Variants in CAPN1 observed in about 807,000 individuals in gnomAD.
The protein encoded by CAPN1 is calpain 1.
A neutral mutation model predicts 105.2 loss-of-function variants in CAPN1; 77 were observed. The observed-to-expected ratio is 0.73, with a 90% CI of 0.61 to 0.88. CAPN1 has a LOEUF of 0.88. CAPN1 is among the 40% of genes least tolerant of loss of function. CAPN1 has a pLI of 0.00. For missense variants in CAPN1, 833 were observed against 976.6 expected (o/e 0.85, Z 1.96); for synonymous variants, 355 against 388.8 (o/e 0.91, Z 1.02).
intron 11 of CAPN1, among the ~76,000 whole-genome samples, chr11:65,205,347 T>C (rs763702731): frequency 6.6e-6 from 1 of 152,218 alleles, no homozygotes. Context: ...GAGAAACTTC[T>C]GGACCTCCCT....
chr11:65,197,874 G>A (rs1948813353), intron 10 of CAPN1, among the ~76,000 whole-genome samples: 2 of 89,732 alleles, frequency 2.2e-5, no homozygotes, highest in South Asian at 3.9e-4. Flanking sequence ...GGTGAAAAGA[G>A]CAAAACTCTA....
intron 4 of CAPN1, among the ~76,000 whole-genome samples, chr11:65,184,266 G>A (rs1232598441): frequency 6.6e-6 from 1 of 152,114 alleles, no homozygotes; most frequent in Non-Finnish European, 1.5e-5. Flanking sequence ...CCTTGCGCGG[G>A]TGGAGGTGGC....
intron 4 of CAPN1, 40 bp from the exon 5 acceptor site, chr11:65,185,877 G>T: frequency 1.3e-6 from 2 of 1,556,100 alleles, no homozygotes; most frequent in Non-Finnish European, 1.7e-6. Context: ...CAGGTCCGGG[G>T]GATTCCAAAG....
intron 12 of CAPN1, chr11:65,206,150 C>T (rs1387731871): frequency 3.9e-5 from 21 of 537,742 alleles, no homozygotes; most frequent in South Asian, 9.0e-5. Flanking sequence ...AATGAGGTGC[C>T]GAGTACCCTG....
intron 10 of CAPN1, 62 bp from the exon 11 acceptor site, chr11:65,204,621 T>C: frequency 6.8e-7 from 1 of 1,481,258 alleles, no homozygotes; most frequent in Non-Finnish European, 9.4e-7. Flanking sequence ...CTGAGGAGGC[T>C]TGGGGGCCAA....
At chr11:65,191,417 T>C (rs1196934126) in intron 10 of CAPN1, among the ~76,000 whole-genome samples, 1 of 152,230 alleles carries the variant, frequency 6.6e-6, no homozygotes, top group East Asian at 1.9e-4. Flanking sequence ...ATCTTACTGA[T>C]TCATCTGTAT....
At chr11:65,204,978 T>G in intron 11 of CAPN1, 120 bp downstream of exon 11, 33 of 778,288 alleles carry the variant, frequency 4.2e-5, no homozygotes, top group Non-Finnish European at 5.5e-5. Context: ...TCCCCACAAA[T>G]TCCCCTCCAC....
chr11:65,182,932 C>T lies in CAPN1; in HGVS notation c.231C>T (p.Ser77=), dbSNP rs758674505. ...GTTACAAGGACCTGGGTCCCAATTCCTCCAAGACCTATGGCATCAAGTGGA... is the reference window on the plus strand; with the variant it reads ...GTTACAAGGACCTGGGTCCCAATTCTTCCAAGACCTATGGCATCAAGTGGA... ...SLGYKDLGPN[S]SKTYGIKWKR... Residue 77 remains serine, a synonymous_variant, in exon 2 of 22, where the codon TCC becomes TCT. Coordinates refer to ENST00000279247, the MANE Select transcript of CAPN1 (RefSeq NM_005186.4). The T allele has an allele frequency of 1.2e-6, 2 of 1,613,048 alleles. No individual in the cohort carries two copies. The highest frequency in any genetic ancestry group is 2.2e-5 in the South Asian group (2 of 90,938).
rs1256707470 is a variant in CAPN1, at chr11:65,181,962, C to A, written c.-53C>A. 6.1e-6 allele frequency: 1 copy of A among 163,716 alleles called. No individual in the cohort carries two copies. Among genetic ancestry groups the A allele is most frequent in the Non-Finnish European group, 1.3e-5 (1 of 74,464 alleles). The allele number at this position is 163,716 out of a possible 1,614,324, so 10.1% of individuals were successfully genotyped here. ...GGTTGGGCCCTGCCCTGAGCTGCCA[C>A]CGGGAAGCCAGCCTCAGGGACTGCA... On this transcript the variant is annotated 5_prime_UTR_variant, in exon 1 of 22. Coordinates refer to ENST00000279247, the MANE Select transcript of CAPN1 (RefSeq NM_005186.4). The surrounding 1 kb of genome is among the most constrained non-coding windows in gnomAD (Gnocchi z 4.6).
chr11:65,185,769 A>C, intron 4 of CAPN1, 148 bp from the exon 5 acceptor site: 1 of 758,904 alleles, frequency 1.3e-6, no homozygotes, highest in South Asian at 1.9e-5. Context: ...GTATACATCT[A>C]GTATGTATCT....
chr11:65,184,323 C>G (rs1948599542), intron 4 of CAPN1, among the ~76,000 whole-genome samples: 2 of 152,128 alleles, frequency 1.3e-5, no homozygotes, highest in African/African-American at 4.8e-5. Context: ...CCACTTTGGC[C>G]CAGCGCCACA....
At position 65,188,606 on chromosome 11, in the gene CAPN1, T is replaced by A; in HGVS notation, c.1025T>A (p.Met342Lys). The change falls in exon 10 of 22, where the codon ATG becomes AAG. Residue 342 changes from methionine (M) to lysine (K), a missense_variant. By Grantham distance (95) the Met-to-Lys change is moderately conservative (BLOSUM62 -1). Transcript: ENST00000279247. The surrounding 1 kb of genome is among the most constrained non-coding windows in gnomAD (Gnocchi z 5.5). ...GEFWMSFRDF[M>K]REFTRLEICN... Reference sequence around the variant, plus strand: ...CTCAGGATGTCATTCCGAGACTTCATGCGGGAGTTCACCCGCCTGGAGATC... The same window carrying A: ...CTCAGGATGTCATTCCGAGACTTCAAGCGGGAGTTCACCCGCCTGGAGATC... 6.2e-7 allele frequency: 1 copy of A among 1,613,986 alleles called. No individual in the cohort carries two copies. The highest frequency in any genetic ancestry group is 8.5e-7 in the Non-Finnish European group (1 of 1,179,870).
At position 65,209,999 on chromosome 11, in the gene CAPN1, C is replaced by A. The variant is rs1331072401; in HGVS notation, c.1864-19C>A. 2 of 1,612,952 alleles carry A rather than the reference C, an allele frequency of 1.2e-6. No individual in the cohort carries two copies. Among genetic ancestry groups the A allele is most frequent in the African/African-American group, 2.7e-5 (2 of 74,880 alleles). On this transcript the variant is annotated intron_variant, in intron 18 of 21. Coordinates refer to ENST00000279247, the MANE Select transcript of CAPN1 (RefSeq NM_005186.4). The surrounding 1 kb of genome is among the most constrained non-coding windows in gnomAD (Gnocchi z 4.1). ...GCCGGGTGACTCAGCCTGGCCCTCA[C>A]CCTCTGCCGCCACCTCAGTCCATCT... is the stretch of plus-strand genomic sequence containing the variant.
chr11:65,201,945 C>G (rs986879488), intron 10 of CAPN1, among the ~76,000 whole-genome samples: 4 of 152,014 alleles, frequency 2.6e-5, no homozygotes, highest in African/African-American at 9.7e-5. Flanking sequence ...GCCTCATCCT[C>G]CCGAGTAAGT....
In CAPN1 at chr11:65,182,866, C is replaced by T. The variant is rs761299893; in HGVS notation, c.165C>T (p.Leu55=). 6.2e-7 allele frequency: 1 copy of T among 1,602,132 alleles called. No homozygotes were observed. Among genetic ancestry groups the T allele is most frequent in the Admixed American group, 1.7e-5 (1 of 57,920 alleles). ...LRVRCLQSGT[L]FRDEAFPPVP... ...TGCGATGCCTGCAGAGTGGGACCCTCTTCCGTGATGAGGCCTTCCCCCCGG... is the reference window on the plus strand; with the variant it reads ...TGCGATGCCTGCAGAGTGGGACCCTTTTCCGTGATGAGGCCTTCCCCCCGG... The change falls in exon 2 of 22, where the codon CTC becomes CTT. Residue 55 remains leucine, a synonymous_variant. Transcript: ENST00000279247.
intron 10 of CAPN1, among the ~76,000 whole-genome samples, chr11:65,200,377 C>T (rs1212399969): frequency 6.6e-6 from 1 of 152,142 alleles, no homozygotes; most frequent in Non-Finnish European, 1.5e-5. Flanking sequence ...TGGACTCTCA[C>T]TCTGTCGCCC....
At position 65,210,375 on chromosome 11, in the gene CAPN1, C is replaced by A. The variant is rs776599915; in HGVS notation, c.1982C>A (p.Thr661Asn). ...LNKKLYELII[T>N]RYSEPDLAVD... ...AAGAAGCTGTACGAGCTCATCATCA[C>A]CCGCTACTCGGAGCCCGACCTGGCG... Residue 661 changes from threonine (T) to asparagine (N), a missense_variant, in exon 20 of 22, where the codon ACC (threonine) becomes AAC (asparagine). By Grantham distance (65) the Thr-to-Asn change is moderately conservative (BLOSUM62 0). Coordinates refer to ENST00000279247, the MANE Select transcript of CAPN1 (RefSeq NM_005186.4). This position sits in a 1 kb window ranked among gnomAD's most constrained non-coding sequence, Gnocchi z 4.3. 1.2e-5 allele frequency: 19 copies of A among 1,613,376 alleles called. No homozygotes were observed. Among genetic ancestry groups the A allele is most frequent in the Non-Finnish European group, 1.4e-5 (17 of 1,179,674 alleles).
In CAPN1 at chr11:65,209,929, C is replaced by G. The variant is rs774409830; in HGVS notation, c.1863+12C>G. 1 of 1,613,356 alleles carries G rather than the reference C, an allele frequency of 6.2e-7. No homozygotes were observed. The highest frequency in any genetic ancestry group is 2.2e-5 in the East Asian group (1 of 44,880). On this transcript the variant is annotated intron_variant, in intron 18 of 21. Coordinates refer to ENST00000279247, the MANE Select transcript of CAPN1 (RefSeq NM_005186.4). This position sits in a 1 kb window ranked among gnomAD's most constrained non-coding sequence, Gnocchi z 4.1. ...TCCGGAATTACCTGGTAGGTTGTCC[C>G]CACTCACCTCAGTCATGCAGGTGCG...
At chr11:65,186,963 T>G (rs1250871923) in intron 6 of CAPN1, among the ~76,000 whole-genome samples, 1 of 152,218 alleles carries the variant, frequency 6.6e-6, no homozygotes, top group Admixed American at 6.5e-5. Context: ...CCCTGGCCAG[T>G]AGCAGTGTCA....
Sources: gnomAD v4.1 joint callset for allele counts (sites outside exome capture counted in the v4.1 genomes callset) on GRCh38, gnomAD v4.1.1 for gene constraint, Gnocchi (gnomAD v3.1) non-coding constraint, MANE v1.5 for transcripts, NCBI Gene and HGNC (gene_info 2026-07-23, HGNC 2026-07-21) for gene names.